STOM: variants seen among roughly 807,000 people sequenced by gnomAD.
STOM encodes the protein stomatin.
A neutral mutation model predicts 30.6 loss-of-function variants in STOM; 25 were observed. That is an observed-to-expected ratio of 0.82 (90% CI 0.60 to 1.14). STOM has a LOEUF of 1.14. Ranked by LOEUF, STOM falls within the 50% of genes most tolerant of loss-of-function variation. STOM has a pLI of 0.00. For synonymous variants in STOM, 118 were observed against 130.8 expected (o/e 0.90, Z 0.67); for missense variants, 292 against 365.2 (o/e 0.80, Z 1.63).
intron 1 of STOM, 75 bp downstream of exon 1, chr9:121,370,052 G>A (rs1564634731): frequency 1.0e-5 from 14 of 1,382,728 alleles, no homozygotes; most frequent in Non-Finnish European, 7.9e-6. Context: ...CAGGAGCCCG[G>A]CTGTCAGACC....
chr9:121,362,181 T>C (rs1301361038), intron 1 of STOM, among the ~76,000 whole-genome samples: 2 of 152,194 alleles, frequency 1.3e-5, no homozygotes, highest in African/African-American at 2.4e-5. Context: ...TCACATACAT[T>C]TTCTAAAATT....
At chr9:121,348,175 A>G in intron 5 of STOM, 26 bp from the exon 6 acceptor site, 7 of 1,613,930 alleles carry the variant, frequency 4.3e-6, no homozygotes, top group Non-Finnish European at 5.1e-6. Flanking sequence ...AAGGCAAGCT[A>G]AATCTCCTCA....
At chr9:121,355,829 A>G (rs989529658) in intron 2 of STOM, among the ~76,000 whole-genome samples, 1 of 152,224 alleles carries the variant, frequency 6.6e-6, no homozygotes, top group African/African-American at 2.4e-5. Flanking sequence ...TGATGGTGAA[A>G]CTTACTTTAG....
chr9:121,339,468 T>C lies in STOM; in HGVS notation c.*1734A>G. The C allele has an allele frequency of 2.7e-6, 3 of 1,109,524 alleles. No homozygotes were observed. Among genetic ancestry groups the C allele is most frequent in the Non-Finnish European group, 2.3e-6 (2 of 880,570 alleles). 68.7% of individuals were successfully genotyped at this position (1,109,524 alleles called of 1,614,324 possible). A position where few individuals can be genotyped will look rare whatever the true frequency, so the allele number is the denominator to read the frequency against. On this transcript the variant is annotated 3_prime_UTR_variant, in exon 7 of 7. Coordinates refer to ENST00000286713, the MANE Select transcript of STOM (RefSeq NM_004099.6). ...AAACTCAGCTAGGAGCCAGGATACA[T>C]GGTAGTTCAAGGCTTCCTAAAATAA...
Position 121,339,630 on chromosome 9 carries a change from C to A in STOM, c.*1572G>T. On this transcript the variant is annotated 3_prime_UTR_variant, in exon 7 of 7. Transcript: ENST00000286713. ...ACTTCTCTAGGTGAACTCAGAGTCT[C>A]AAAGAGGAAATGTTACAAATGTCAC... 1 of 1,231,590 alleles carries A rather than the reference C, an allele frequency of 8.1e-7. No individual in the cohort carries two copies. The highest frequency in any genetic ancestry group is 4.1e-5 in the South Asian group (1 of 24,296). The allele number at this position is 1,231,590 out of a possible 1,614,324, so 76.3% of individuals were successfully genotyped here.
chr9:121,356,669 T>C (rs971844416), intron 1 of STOM, among the ~76,000 whole-genome samples: 2 of 151,972 alleles, frequency 1.3e-5, no homozygotes, highest in Non-Finnish European at 2.9e-5. Flanking sequence ...AAGGATGTAA[T>C]AGTAAGAAAA....
chr9:121,339,572 G>T lies in STOM; in HGVS notation c.*1630C>A. On this transcript the variant is annotated 3_prime_UTR_variant, in exon 7 of 7. Coordinates refer to ENST00000286713, the MANE Select transcript of STOM (RefSeq NM_004099.6). ...GGTTGAGCTAAAGAGAGCTATAAAGGCTCGTGCTGGGAAAGAAAGCTGTTA... is the reference window on the plus strand; with the variant it reads ...GGTTGAGCTAAAGAGAGCTATAAAGTCTCGTGCTGGGAAAGAAAGCTGTTA... 1 of 1,231,250 alleles carries T rather than the reference G, an allele frequency of 8.1e-7. No homozygotes were observed. The highest frequency in any genetic ancestry group is 1.0e-6 in the Non-Finnish European group (1 of 987,738). The allele number at this position is 1,231,250 out of a possible 1,614,324, so 76.3% of individuals were successfully genotyped here.
At chr9:121,352,809 C>G (rs750164630) in intron 4 of STOM, among the ~76,000 whole-genome samples, 1 of 152,124 alleles carries the variant, frequency 6.6e-6, no homozygotes, top group Non-Finnish European at 1.5e-5. Context: ...AAAGCCTGTG[C>G]TCTGGCAGGG....
At chr9:121,343,476 G>A (rs2064263649) in intron 6 of STOM, among the ~76,000 whole-genome samples, 1 of 152,164 alleles carries the variant, frequency 6.6e-6, no homozygotes, top group Non-Finnish European at 1.5e-5. Flanking sequence ...TTTCATTCTA[G>A]TGTGATAAAT....
chr9:121,345,440 A>G (rs1175885225), intron 6 of STOM, among the ~76,000 whole-genome samples: 2 of 152,162 alleles, frequency 1.3e-5, no homozygotes, highest in Non-Finnish European at 2.9e-5. Context: ...ATTTTTCTAT[A>G]AAGTCTCTTA....
chr9:121,349,041 A>G, intron 5 of STOM, 79 bp downstream of exon 5: 2 of 1,489,118 alleles, frequency 1.3e-6, no homozygotes, highest in East Asian at 2.4e-5. Flanking sequence ...TTGAATTAAT[A>G]AAAGGTTCTC....
Position 121,349,325 on chromosome 9 carries a change from T to C in STOM, c.322-2A>G. ...TGTCACTGAATCCTTTGTGAGGATC[T>C]ACAAGATGAAGGAAGCAATTTTACA... On this transcript the variant is annotated splice_acceptor_variant, in intron 4 of 6. Coordinates refer to ENST00000286713, the MANE Select transcript of STOM (RefSeq NM_004099.6). LOFTEE classifies it high-confidence loss of function. 6.2e-7 allele frequency: 1 copy of C among 1,613,828 alleles called. No individual in the cohort carries two copies. Among genetic ancestry groups the C allele is most frequent in the Non-Finnish European group, 8.5e-7 (1 of 1,179,696 alleles).
chr9:121,353,014 A>T (rs2064352377), intron 4 of STOM, among the ~76,000 whole-genome samples: 1 of 152,106 alleles, frequency 6.6e-6, no homozygotes, highest in African/African-American at 2.4e-5. Context: ...AATCACTTGA[A>T]CCCAGGCGGC....
Position 121,341,211 on chromosome 9 carries a change from A to G in STOM, c.858T>C (p.His286=), listed in dbSNP as rs551423588. ...LQGIIGAKHS[H]LG ...AGCGCTCATCTCTACACTAGCCTAG[A>G]TGGCTGTGTTTTGCCCCTATGATTC... Residue 286 remains histidine, a synonymous_variant, in exon 7 of 7, where the codon CAT becomes CAC. Coordinates refer to ENST00000286713, the MANE Select transcript of STOM (RefSeq NM_004099.6). 2 of 1,614,148 alleles carry G rather than the reference A, an allele frequency of 1.2e-6. No homozygotes were observed. Among genetic ancestry groups the G allele is most frequent in the Non-Finnish European group, 1.7e-6 (2 of 1,180,038 alleles).
intron 1 of STOM, among the ~76,000 whole-genome samples, chr9:121,358,364 T>C (rs1371745975): frequency 1.3e-5 from 2 of 151,788 alleles, no homozygotes; most frequent in Admixed American, 1.3e-4. Context: ...CTGAGGAGAC[T>C]GAAATAGGGG....
chr9:121,353,121 A>AAAAT (rs892086485), intron 4 of STOM, 99 bp downstream of exon 4: 37 of 532,592 alleles, frequency 6.9e-5, no homozygotes, highest in African/African-American at 6.8e-4. Flanking sequence ...ACAAAAATTT[A>AAAAT]AAATAAATAA....
Position 121,356,147 on chromosome 9 carries a change from C to G in STOM, c.71G>C (p.Ser24Thr). Residue 24 changes from serine (S) to threonine (T), a missense_variant, in exon 2 of 7, where the codon AGT becomes ACT. Ser to Thr is a moderately conservative substitution (Grantham distance 58, BLOSUM62 1). Transcript: ENST00000286713. The stretch of plus-strand genomic sequence containing the variant: ...CCATCCGCAAGGTCCAAGGCCCTTA[C>G]TGGGGCTGTCTGTTGAAAACAAAAA... ...RLPDSFKDSPSKGLGPCGWIL... is the reference protein window; with the variant it reads ...RLPDSFKDSPTKGLGPCGWIL... 1 of 1,613,604 alleles carries G rather than the reference C, an allele frequency of 6.2e-7. No homozygotes were observed. Among genetic ancestry groups the G allele is most frequent in the Non-Finnish European group, 8.5e-7 (1 of 1,179,822 alleles).
intron 4 of STOM, among the ~76,000 whole-genome samples, chr9:121,352,476 C>T (rs949916378): frequency 1.3e-5 from 2 of 152,192 alleles, no homozygotes; most frequent in Non-Finnish European, 2.9e-5. Context: ...TGATGCATGG[C>T]AAATTCAAGT....
intron 1 of STOM, among the ~76,000 whole-genome samples, chr9:121,365,627 T>G (rs1166671049): frequency 6.6e-6 from 1 of 152,256 alleles, no homozygotes; most frequent in African/African-American, 2.4e-5. Context: ...AAGTTCTCAG[T>G]TCTTCACTGT....
Sources: gnomAD v4.1 joint callset for allele counts (sites outside exome capture counted in the v4.1 genomes callset) on GRCh38, gnomAD v4.1.1 for gene constraint, MANE v1.5 for transcripts, NCBI Gene and HGNC (gene_info 2026-07-23, HGNC 2026-07-21) for gene names.